The following RPH3AL variants were observed in gnomAD, a reference collection of about 807,000 sequenced individuals.
The protein encoded by RPH3AL is rabphilin 3A like (without C2 domains).
In RPH3AL, 38 loss-of-function variants were observed where a neutral mutation model predicts 43.1. That is an observed-to-expected ratio of 0.88 (90% confidence interval 0.68 to 1.15). The LOEUF (loss-of-function observed/expected upper bound fraction) is 1.15. Among genes scored for constraint, RPH3AL ranks in the 50% most tolerant of loss-of-function variants. The probability of loss-of-function intolerance (pLI) is 0.00; values close to 1 mark genes in which losing one functional copy is unlikely to be tolerated. For missense variants in RPH3AL, 462 were observed against 423.2 expected (o/e 1.09, Z -0.81); for synonymous variants, 189 against 176.3 (o/e 1.07, Z -0.57).
chr17:220,216 T>G (rs1388056456), intron 7 of RPH3AL, among the ~76,000 whole-genome samples: 233 of 108,810 alleles, frequency 2.1e-3, no homozygotes, highest in Non-Finnish European at 4.1e-3. Context: ...ACTGAGACAA[T>G]AGACCCAAAA....
chr17:332,949 A>C (rs1260247344), intron 2 of RPH3AL: 1 of 1,172,542 alleles, frequency 8.5e-7, no homozygotes, highest in Non-Finnish European at 1.1e-6. Flanking sequence ...AGGGAACGGA[A>C]CAGGAGTTGC....
intron 1 of RPH3AL, among the ~76,000 whole-genome samples, chr17:347,091 T>C (rs1465578620): frequency 7.5e-6 from 1 of 133,972 alleles, no homozygotes; most frequent in Non-Finnish European, 1.7e-5. Flanking sequence ...ACCCCGTCTC[T>C]ACTAAAAATA....
intron 8 of RPH3AL, among the ~76,000 whole-genome samples, chr17:216,413 T>TGA (rs10566773): frequency 2.0e-5 from 3 of 151,546 alleles, no homozygotes; most frequent in Admixed American, 6.6e-5. Context: ...GTTAACCTAA[T>TGA]GAGAGAGAGA....
At chr17:307,201 CCA>C (rs1555568413) in intron 5 of RPH3AL, among the ~76,000 whole-genome samples, 4 of 70,026 alleles carry the variant, frequency 5.7e-5, no homozygotes, top group South Asian at 4.5e-4. Flanking sequence ...CAGGTCCTCC[CCA>C]CGGCAGGTCC....
intron 6 of RPH3AL, among the ~76,000 whole-genome samples, chr17:261,410 G>C (rs1007279822): frequency 1.3e-5 from 2 of 152,354 alleles, no homozygotes; most frequent in Middle Eastern, 3.4e-3. Flanking sequence ...GCCAGAAAGA[G>C]AGCCTTCACC....
intron 1 of RPH3AL, among the ~76,000 whole-genome samples, chr17:339,349 CA>C (rs1452563707): frequency 6.6e-6 from 1 of 152,240 alleles, no homozygotes; most frequent in Non-Finnish European, 1.5e-5. Context: ...AGAAGACAGG[CA>C]GGGGGAAGGG....
intron 8 of RPH3AL, among the ~76,000 whole-genome samples, chr17:216,215 A>G (rs2040797873): frequency 6.9e-6 from 1 of 145,614 alleles, no homozygotes; most frequent in Non-Finnish European, 1.5e-5. Flanking sequence ...GACCCCACCC[A>G]CATGGCTGCC....
intron 7 of RPH3AL, among the ~76,000 whole-genome samples, chr17:226,199 A>G (rs950874929): frequency 1.3e-5 from 2 of 152,274 alleles, no homozygotes; most frequent in South Asian, 2.1e-4. Flanking sequence ...CTTCATCTCC[A>G]TTTATAGACC....
intron 6 of RPH3AL, among the ~76,000 whole-genome samples, chr17:262,419 T>C (rs1330098132): frequency 6.6e-6 from 1 of 152,192 alleles, no homozygotes; most frequent in Non-Finnish European, 1.5e-5. Context: ...TTTCACCATG[T>C]TCGCCGGGCT....
At position 223,524 on chromosome 17, in the gene RPH3AL, C is replaced by T. The variant is rs764686968; in HGVS notation, c.614-3788G>A. Among the ~76,000 whole-genome samples the T allele has an allele frequency of 1.9e-3, 287 of 152,280 alleles. 4 individuals carry two copies. Among genetic ancestry groups the T allele is most frequent in the Non-Finnish European group, 6.8e-4 (46 of 68,030 alleles). On this transcript the variant is annotated intron_variant, in intron 7 of 9. Coordinates refer to ENST00000331302, the MANE Select transcript of RPH3AL (RefSeq NM_006987.4). ...CATCGTCTTCCAAACAACCCTGAGC[C>T]GCTGGTGAGAGGTAAGACTGGAAAC... is the stretch of plus-strand genomic sequence containing the variant.
intron 8 of RPH3AL, 33 bp downstream of exon 8, chr17:219,590 G>A (rs752389686): frequency 3.6e-5 from 42 of 1,174,198 alleles, no homozygotes; most frequent in East Asian, 6.3e-5. Flanking sequence ...CACCGTGCCC[G>A]GCCAATAAGC....
At chr17:326,910 A>G (rs185824541) in intron 3 of RPH3AL, among the ~76,000 whole-genome samples, 2 of 152,368 alleles carry the variant, frequency 1.3e-5, no homozygotes, top group Admixed American at 1.3e-4. Context: ...GCAAGGAACT[A>G]GCGAGATTCT....
chr17:352,490 C>A (rs1221369981), intron 1 of RPH3AL: 1 of 151,892 alleles, frequency 6.6e-6, no homozygotes, highest in Non-Finnish European at 1.5e-5. Context: ...TGTTCTCCAG[C>A]CCCGGCTGCC....
chr17:220,072 A>C (rs1371721015), intron 7 of RPH3AL, among the ~76,000 whole-genome samples: 1 of 151,672 alleles, frequency 6.6e-6, no homozygotes, highest in Non-Finnish European at 1.5e-5. Context: ...TCGGAGGCTG[A>C]TTATCACCGT....
intron 6 of RPH3AL, among the ~76,000 whole-genome samples, chr17:276,239 C>T (rs75902830): frequency 0.043 from 6,595 of 152,290 alleles, 213 homozygotes; most frequent in Admixed American, 0.083. Flanking sequence ...ATAGTTCAAC[C>T]GAGTTTTAAA....
chr17:305,295 C>T lies in RPH3AL; in HGVS notation c.351+14125G>A, dbSNP rs904243833. ...CAGGGTCAAAGCCAAGCTGAGGCAACGTCGAGATGGCGCGTAACAGCCCTC... is the reference window on the plus strand; with the variant it reads ...CAGGGTCAAAGCCAAGCTGAGGCAATGTCGAGATGGCGCGTAACAGCCCTC... On this transcript the variant is annotated intron_variant, in intron 5 of 9. Coordinates refer to ENST00000331302, the MANE Select transcript of RPH3AL (RefSeq NM_006987.4). 2.6e-5 allele frequency among the ~76,000 whole-genome samples: 4 copies of T among 151,876 alleles called. No individual in the cohort carries two copies. The East Asian group carries it at 7.8e-4, about 30-fold the overall frequency.
chr17:240,119 C>T (rs939418303), intron 7 of RPH3AL, among the ~76,000 whole-genome samples: 2 of 151,982 alleles, frequency 1.3e-5, no homozygotes, highest in Non-Finnish European at 2.9e-5. Context: ...AGCCTGTAAT[C>T]CCAGCTACTC....
At position 321,397 on chromosome 17, in the gene RPH3AL, G is replaced by C. The variant is rs140858581; in HGVS notation, c.96C>G (p.Ser32=). 6 of 1,608,622 alleles carry C rather than the reference G, an allele frequency of 3.7e-6. No homozygotes were observed. The highest frequency in any genetic ancestry group is 1.3e-5 in the African/African-American group (1 of 74,946). The change falls in exon 4 of 10, where the codon TCC becomes TCG. Residue 32 remains serine, a synonymous_variant. Coordinates refer to ENST00000331302, the MANE Select transcript of RPH3AL (RefSeq NM_006987.4). The part of the protein sequence containing the change: ...ALRAKLQTGW[S]VHTYQTEKQR... The stretch of plus-strand genomic sequence containing the variant: ...GCTTCTCCGTCTGGTAGGTGTGCAC[G>C]GACCAGCCCGTCTGCAGCCTCGAGA...
chr17:298,375 C>A (rs563951008), intron 5 of RPH3AL, among the ~76,000 whole-genome samples: 2 of 152,140 alleles, frequency 1.3e-5, no homozygotes, highest in Non-Finnish European at 2.9e-5. Flanking sequence ...TCCCTGTGTT[C>A]GTTCCCATGC....
Sources: gnomAD v4.1 joint callset for allele counts (sites outside exome capture counted in the v4.1 genomes callset) on GRCh38, gnomAD v4.1.1 for gene constraint, MANE v1.5 for transcripts, NCBI Gene and HGNC (gene_info 2026-07-23, HGNC 2026-07-21) for gene names.